Variants in MTNR1B observed in about 807,000 individuals in gnomAD.
MTNR1B encodes the protein melatonin receptor type 1B.
Under a neutral mutation model 7.0 loss-of-function variants are expected in MTNR1B, and 7 were observed. The observed-to-expected ratio is 1.00, with a 90% CI of 0.57 to 1.88. The LOEUF is 1.88. MTNR1B is among the 40% of genes most tolerant of loss of function. The pLI is 0.00. For missense variants in MTNR1B, 478 were observed against 486.5 expected (o/e 0.98, Z 0.16); for synonymous variants, 226 against 208.2 (o/e 1.09, Z -0.74).
chr11:92,984,736 T>A (rs1858171946), downstream of MTNR1B: 1 of 377,910 alleles, frequency 2.6e-6, no homozygotes, highest in South Asian at 2.0e-5. Context: ...CCTGGGCCCA[T>A]AGCTGTTACC....
At chr11:92,971,105 G>T (rs939800323) in intron 1 of MTNR1B, among the ~76,000 whole-genome samples, 1 of 151,924 alleles carries the variant, frequency 6.6e-6, no homozygotes, top group Admixed American at 6.6e-5. Flanking sequence ...GATTACAGGC[G>T]CTCGCCACTA....
At position 92,981,779 on chromosome 11, in the gene MTNR1B, C is replaced by T. The variant is rs745342258; in HGVS notation, c.556C>T (p.Arg186Cys). The change falls in exon 2 of 2, where the codon CGC (arginine) becomes TGC (cysteine). Residue 186 changes from arginine (R) to cysteine (C), a missense_variant. Arg to Cys is a radical substitution (Grantham distance 180). Coordinates refer to ENST00000257068, the MANE Select transcript of MTNR1B (RefSeq NM_005959.5). The stretch of plus-strand genomic sequence containing the variant: ...TGTGGGGTCCCTGGAGTACGACCCA[C>T]GCATCTATTCCTGCACCTTCATCCA... ...FFVGSLEYDP[R>C]IYSCTFIQTA... 9.9e-6 allele frequency: 16 copies of T among 1,614,226 alleles called. No individual in the cohort carries two copies. The highest frequency in any genetic ancestry group is 2.2e-5 in the East Asian group (1 of 44,868).
chr11:92,970,299 C>G (rs1565177807), intron 1 of MTNR1B, among the ~76,000 whole-genome samples: 1 of 152,230 alleles, frequency 6.6e-6, no homozygotes, highest in East Asian at 1.9e-4. Flanking sequence ...CATCAGGCCA[C>G]AGAAATCTCA....
Position 92,981,556 on chromosome 11 carries a change from G to A in MTNR1B, c.333G>A (p.Glu111=), listed in dbSNP as rs781070634. The change falls in exon 2 of 2, where the codon GAG becomes GAA. Residue 111 remains glutamate, a synonymous_variant. Transcript: ENST00000257068. ...IFYDGWALGE[E]HCKASAFVMG... ...ATGACGGCTGGGCCCTGGGGGAGGA[G>A]CACTGCAAGGCCAGCGCCTTTGTGA... 2 of 1,614,164 alleles carry A rather than the reference G, an allele frequency of 1.2e-6. No homozygotes were observed. The highest frequency in any genetic ancestry group is 1.1e-5 in the South Asian group (1 of 91,074).
At chr11:92,980,818 C>A (rs1858091647) in intron 1 of MTNR1B, among the ~76,000 whole-genome samples, 2 of 152,186 alleles carry the variant, frequency 1.3e-5, no homozygotes, top group South Asian at 4.1e-4. Context: ...GAGTACTGGA[C>A]CCAGACAGGG....
chr11:92,972,263 A>T (rs1248357380), intron 1 of MTNR1B, among the ~76,000 whole-genome samples: 3 of 152,226 alleles, frequency 2.0e-5, no homozygotes, highest in Non-Finnish European at 4.4e-5. Context: ...AGTCTGTAAC[A>T]ATGAGAATAC....
intron 1 of MTNR1B, among the ~76,000 whole-genome samples, chr11:92,977,837 A>G (rs1231481478): frequency 1.3e-5 from 2 of 152,256 alleles, no homozygotes; most frequent in Non-Finnish European, 2.9e-5. Context: ...GAAGAGTGGA[A>G]GAAGACCTCA....
chr11:92,980,200 T>G (rs558058938), intron 1 of MTNR1B, among the ~76,000 whole-genome samples: 1 of 152,250 alleles, frequency 6.6e-6, no homozygotes, highest in Admixed American at 6.5e-5. Context: ...CCAGCCGCCC[T>G]CTGCATTCCG....
intron 1 of MTNR1B, among the ~76,000 whole-genome samples, chr11:92,973,599 C>T (rs1406980827): frequency 6.6e-6 from 1 of 152,230 alleles, no homozygotes; most frequent in African/African-American, 2.4e-5. Flanking sequence ...CCTCCTTCAA[C>T]TCCTTCCCCA....
rs536883305 is a variant in MTNR1B, at chr11:92,981,728, G to A, written c.505G>A (p.Val169Met). Reference sequence around the variant, plus strand: ...CATCTGCCTCATCTGGCTCCTCACCGTGGTGGCCTTGCTGCCCAACTTCTT... The same window carrying A: ...CATCTGCCTCATCTGGCTCCTCACCATGGTGGCCTTGCTGCCCAACTTCTT... ...LHICLIWLLT[V>M]VALLPNFFVG... Residue 169 changes from valine (V) to methionine (M), a missense_variant, in exon 2 of 2, where the codon GTG (valine) becomes ATG (methionine). Val to Met is a conservative substitution (Grantham distance 21, BLOSUM62 1). Transcript: ENST00000257068. The A allele has an allele frequency of 2.3e-5, 37 of 1,614,200 alleles. No individual in the cohort carries two copies. The highest frequency in any genetic ancestry group is 3.3e-4 in the Middle Eastern group (2 of 6,062).
downstream of MTNR1B, among the ~76,000 whole-genome samples, chr11:92,982,936 AC>A (rs71473980): frequency 0.016 from 788 of 49,076 alleles, 27 homozygotes; most frequent in African/African-American, 0.034. Context: ...AACACACTGC[AC>A]CCCCCCCCCC....
chr11:92,970,706 G>A (rs924550641), intron 1 of MTNR1B, among the ~76,000 whole-genome samples: 1 of 152,160 alleles, frequency 6.6e-6, no homozygotes, highest in Non-Finnish European at 1.5e-5. Flanking sequence ...AGAGTGGGGG[G>A]CAGTATCTGA....
intron 1 of MTNR1B, among the ~76,000 whole-genome samples, chr11:92,970,982 G>C (rs1857913356): frequency 6.6e-6 from 1 of 151,604 alleles, no homozygotes; most frequent in Non-Finnish European, 1.5e-5. Flanking sequence ...TTTTGAGATG[G>C]AGTCTCTCAC....
chr11:92,976,208 T>C (rs540714824), intron 1 of MTNR1B, among the ~76,000 whole-genome samples: 11 of 152,326 alleles, frequency 7.2e-5, no homozygotes, highest in Admixed American at 4.6e-4. Context: ...ATTCAGAGAA[T>C]ACTGAAAGCT....
chr11:92,977,514 C>G (rs1858028798), intron 1 of MTNR1B, among the ~76,000 whole-genome samples: 1 of 152,202 alleles, frequency 6.6e-6, no homozygotes, highest in Non-Finnish European at 1.5e-5. Flanking sequence ...AACAGCCATT[C>G]TGGGAGTTAG....
intron 1 of MTNR1B, among the ~76,000 whole-genome samples, chr11:92,981,179 CATT>C (rs1302913046): frequency 6.6e-6 from 1 of 152,178 alleles, no homozygotes; most frequent in Non-Finnish European, 1.5e-5. Context: ...CACTTTGTAT[CATT>C]AATTCTTACA....
At chr11:92,984,759 G>T, downstream of MTNR1B, 3 of 408,654 alleles carry the variant, frequency 7.3e-6, no homozygotes, top group Non-Finnish European at 1.5e-5. Context: ...GTTTGCCAGG[G>T]TTCGGCACTG....
intron 1 of MTNR1B, among the ~76,000 whole-genome samples, chr11:92,978,080 T>C (rs917169996): frequency 6.6e-6 from 1 of 152,214 alleles, no homozygotes; most frequent in African/African-American, 2.4e-5. Context: ...TCTTGTCTTT[T>C]AGCTCAATGA....
intron 1 of MTNR1B, among the ~76,000 whole-genome samples, chr11:92,979,552 C>A (rs1480785679): frequency 2.0e-5 from 3 of 152,186 alleles, no homozygotes; most frequent in Non-Finnish European, 4.4e-5. Flanking sequence ...CATGATTCTC[C>A]TTTGCCATCC....
Sources: gnomAD v4.1 joint callset for allele counts (sites outside exome capture counted in the v4.1 genomes callset) on GRCh38, gnomAD v4.1.1 for gene constraint, MANE v1.5 for transcripts, NCBI Gene and HGNC (gene_info 2026-07-23, HGNC 2026-07-21) for gene names.